Variants in ADGRV1 observed in about 807,000 individuals in gnomAD.
ADGRV1 encodes the protein G-protein coupled receptor 98.
In ADGRV1, 359 loss-of-function variants were observed where a neutral mutation model predicts 596.2. The ratio of observed to expected loss-of-function variants is 0.60; its 90% confidence interval spans 0.55 to 0.66. ADGRV1 has a LOEUF of 0.66. Ranked by LOEUF, ADGRV1 falls within the 30% of genes least tolerant of loss-of-function variation. The pLI is 0.00. For missense variants in ADGRV1, 7,274 were observed against 7,575.6 expected (o/e 0.96, Z 1.48); for synonymous variants, 2,681 against 2,679.2 (o/e 1.00, Z -0.02).
intron 83 of ADGRV1, among the ~76,000 whole-genome samples, chr5:90,874,583 C>T (rs542377618): frequency 4.6e-5 from 7 of 151,914 alleles, no homozygotes; most frequent in Middle Eastern, 3.4e-3. Flanking sequence ...TGGTTAAGGC[C>T]GCGTGCGGTG....
chr5:91,135,405 G>A (rs1794551672), intron 87 of ADGRV1, among the ~76,000 whole-genome samples: 1 of 151,926 alleles, frequency 6.6e-6, no homozygotes, highest in Non-Finnish European at 1.5e-5. Flanking sequence ...GTGTTTTTAG[G>A]CCCAGCCTAT....
intron 74 of ADGRV1, among the ~76,000 whole-genome samples, chr5:90,815,353 C>A (rs1561789690): frequency 6.6e-6 from 1 of 152,054 alleles, no homozygotes; most frequent in Admixed American, 6.6e-5. Context: ...AAAGTAGGAT[C>A]TTAATAGAAA....
At chr5:90,915,496 A>G (rs1773268838) in intron 83 of ADGRV1, among the ~76,000 whole-genome samples, 1 of 152,216 alleles carries the variant, frequency 6.6e-6, no homozygotes, top group Admixed American at 6.5e-5. Flanking sequence ...TAGGTCCACA[A>G]GCTTGTTTAT....
intron 47 of ADGRV1, 132 bp from the exon 48 acceptor site, chr5:90,725,417 T>G (rs1302286911): frequency 1.5e-6 from 1 of 683,998 alleles, no homozygotes; most frequent in African/African-American, 1.9e-5. Context: ...AAATGACACT[T>G]AGTTATGTGT....
At chr5:90,643,672 T>C in intron 13 of ADGRV1, 131 bp from the exon 14 acceptor site, 1 of 589,098 alleles carries the variant, frequency 1.7e-6, no homozygotes, top group Non-Finnish European at 2.8e-6. Context: ...TGATACCACC[T>C]CTTTTGTCCT....
chr5:90,889,384 G>T (rs1770591444), intron 83 of ADGRV1, among the ~76,000 whole-genome samples: 1 of 152,000 alleles, frequency 6.6e-6, no homozygotes, highest in Non-Finnish European at 1.5e-5. Context: ...CTCTTAACAG[G>T]CCTCTCCTCA....
At chr5:90,932,641 T>G (rs777564134) in intron 83 of ADGRV1, among the ~76,000 whole-genome samples, 3 of 152,148 alleles carry the variant, frequency 2.0e-5, no homozygotes, top group Non-Finnish European at 4.4e-5. Context: ...TTTTCAAATG[T>G]AAAAACATAT....
At chr5:90,721,837 A>G (rs1251851600) in intron 45 of ADGRV1, among the ~76,000 whole-genome samples, 1 of 151,612 alleles carries the variant, frequency 6.6e-6, no homozygotes, top group Non-Finnish European at 1.5e-5. Context: ...ACTGGGTTGG[A>G]AGAACATGGA....
At chr5:90,988,154 C>T (rs1213441810) in intron 85 of ADGRV1, among the ~76,000 whole-genome samples, 1 of 152,172 alleles carries the variant, frequency 6.6e-6, no homozygotes, top group Admixed American at 6.5e-5. Context: ...TGTTGGCTGC[C>T]TCAACAGCTT....
intron 76 of ADGRV1, among the ~76,000 whole-genome samples, chr5:90,824,722 G>T (rs1763925359): frequency 1.3e-5 from 2 of 152,102 alleles, no homozygotes; most frequent in South Asian, 4.2e-4. Flanking sequence ...GCTGTATAAT[G>T]AAACCAATTT....
At chr5:90,899,125 A>T (rs1480057633) in intron 83 of ADGRV1, 2 of 152,186 alleles carry the variant, frequency 1.3e-5, no homozygotes, top group Non-Finnish European at 2.9e-5. Context: ...ACATAGAAAA[A>T]ATATCACTTA....
intron 34 of ADGRV1, among the ~76,000 whole-genome samples, chr5:90,700,658 G>A (rs913952946): frequency 3.9e-5 from 6 of 152,070 alleles, no homozygotes; most frequent in South Asian, 2.1e-4. Flanking sequence ...TAGGGACAGC[G>A]TGAATCTTTT....
intron 60 of ADGRV1, among the ~76,000 whole-genome samples, chr5:90,775,085 T>C (rs779728142): frequency 1.4e-4 from 22 of 152,174 alleles, no homozygotes; most frequent in Admixed American, 6.6e-4. Flanking sequence ...AAAATGGTTT[T>C]ATTGTGCTAT....
chr5:91,054,523 G>A lies in ADGRV1; in HGVS notation c.18153-17924G>A, dbSNP rs868389317. Among the ~76,000 whole-genome samples the A allele has an allele frequency of 1.4e-4, 22 of 152,258 alleles. 1 individual carries two copies. Among genetic ancestry groups the A allele is most frequent in the Middle Eastern group, 3.4e-3 (1 of 294 alleles). On this transcript the variant is annotated intron_variant, in intron 85 of 89. Coordinates refer to ENST00000405460, the MANE Select transcript of ADGRV1 (RefSeq NM_032119.4). ...CAAAATACCATAGACCAGGTAGCAT[G>A]TAAATAATAGACACTTATTTCTCTT... is the stretch of plus-strand genomic sequence containing the variant.
Position 90,724,954 on chromosome 5 carries a change from G to A in ADGRV1, c.9871G>A (p.Val3291Ile), listed in dbSNP as rs745409401. Reference protein sequence around the residue: ...GIMLRKSSVTVYRWQGIFIPV... With the variant: ...GIMLRKSSVTIYRWQGIFIPV... ...AATGTTAAGAAAATCATCTGTTACT[G>A]TTTACCGATGGCAGGGGATTTTTAT... The change falls in exon 46 of 90, where the codon GTT becomes ATT. Residue 3291 changes from valine (V) to isoleucine (I), a missense_variant. By Grantham distance (29) the Val-to-Ile change is conservative (BLOSUM62 3). Transcript: ENST00000405460. 3 of 1,605,840 alleles carry A rather than the reference G, an allele frequency of 1.9e-6. No homozygotes were observed. Among genetic ancestry groups the A allele is most frequent in the East Asian group, 2.2e-5 (1 of 44,644 alleles).
chr5:91,088,052 A>G (rs1439899546), intron 86 of ADGRV1, among the ~76,000 whole-genome samples: 1 of 152,206 alleles, frequency 6.6e-6, no homozygotes, highest in East Asian at 1.9e-4. Context: ...ATAGCCTTCG[A>G]GAAGGCAAAT....
chr5:90,973,150 A>T (rs1451133036), intron 84 of ADGRV1, among the ~76,000 whole-genome samples: 1 of 152,206 alleles, frequency 6.6e-6, no homozygotes, highest in Non-Finnish European at 1.5e-5. Flanking sequence ...AGACTAAACT[A>T]GGAAGAAGTT....
intron 37 of ADGRV1, 119 bp downstream of exon 37, chr5:90,705,698 A>G (rs1032157223): frequency 9.4e-6 from 7 of 745,322 alleles, no homozygotes; most frequent in Non-Finnish European, 1.5e-5. Flanking sequence ...ATATTTCTTC[A>G]TTCAGGACAG....
chr5:90,702,709 A>G (rs1748062697), intron 34 of ADGRV1, among the ~76,000 whole-genome samples: 1 of 152,022 alleles, frequency 6.6e-6, no homozygotes, highest in Non-Finnish European at 1.5e-5. Flanking sequence ...TTACTTGGAT[A>G]GCTAACTGAA....
Sources: allele counts gnomAD v4.1 joint callset (sites outside exome capture counted in the v4.1 genomes callset), GRCh38; gene constraint gnomAD v4.1.1; transcripts MANE v1.5; gene names NCBI Gene and HGNC (gene_info 2026-07-23, HGNC 2026-07-21).